The following BUD23 variants were observed in gnomAD, a reference collection of about 807,000 sequenced individuals.
BUD23 encodes the protein BUD23 rRNA methyltransferase and ribosome maturation factor.
BUD23 carries 34 observed loss-of-function variants against 47.0 expected under a neutral mutation model. The ratio of observed to expected loss-of-function variants is 0.72; its 90% confidence interval spans 0.55 to 0.96. The LOEUF is 0.96. Ranked by LOEUF, BUD23 falls within the 40% of genes least tolerant of loss-of-function variation. The pLI, the probability that BUD23 is intolerant of heterozygous loss-of-function variation, is 0.00. For synonymous variants in BUD23, 124 were observed against 132.0 expected (o/e 0.94, Z 0.41); for missense variants, 343 against 361.2 (o/e 0.95, Z 0.41).
chr7:73,693,939 C>T, intron 9 of BUD23, 53 bp from the exon 10 acceptor site: 1 of 1,604,048 alleles, frequency 6.2e-7, no homozygotes, highest in South Asian at 1.1e-5. Flanking sequence ...TGGAGTGGGG[C>T]AGATGGTTTG....
At chr7:73,683,876 G>T (rs1554612274) in intron 2 of BUD23, 72 bp downstream of exon 2, 1 of 1,613,430 alleles carries the variant, frequency 6.2e-7, no homozygotes, top group African/African-American at 1.3e-5. Context: ...TGCTGGCGTT[G>T]CCCGGAAAGG....
chr7:73,689,693 G>A (rs12154779), intron 5 of BUD23, among the ~76,000 whole-genome samples: 5,335 of 152,246 alleles, frequency 0.035, 91 homozygotes, highest in African/African-American at 0.04. Flanking sequence ...GAGATTCCAC[G>A]GAAGATGGGG....
At chr7:73,690,875 G>A (rs782258685) in intron 5 of BUD23, 41 bp from the exon 6 acceptor site, 13 of 1,543,558 alleles carry the variant, frequency 8.4e-6, no homozygotes, top group Middle Eastern at 1.7e-4. Flanking sequence ...GGGGAGCAAC[G>A]TGGATTGCTC....
chr7:73,690,723 G>A (rs1798158449), intron 5 of BUD23, among the ~76,000 whole-genome samples, 193 bp from the exon 6 acceptor site: 1 of 152,056 alleles, frequency 6.6e-6, no homozygotes, highest in Non-Finnish European at 1.5e-5. Context: ...ATTCTGTCTT[G>A]GCCTCAGAAA....
intron 2 of BUD23, among the ~76,000 whole-genome samples, chr7:73,684,356 C>T (rs547028198): frequency 8.3e-4 from 125 of 151,428 alleles, no homozygotes; most frequent in African/African-American, 2.6e-3. Context: ...GCCTGGGCAA[C>T]GTAGCGAGCC....
At chr7:73,692,920 G>A in intron 7 of BUD23, 1 of 546,466 alleles carries the variant, frequency 1.8e-6, no homozygotes, top group Middle Eastern at 4.2e-4. Context: ...ATGCCATTTA[G>A]GAAGGGTGAG....
At chr7:73,697,032 G>A in intron 10 of BUD23, 1 of 237,038 alleles carries the variant, frequency 4.2e-6, no homozygotes, top group Non-Finnish European at 8.4e-6. Flanking sequence ...CCTGCTTTGT[G>A]CTGGCTCATC....
rs1798267958 is a variant in BUD23, at chr7:73,693,417, G to A, written c.596+3G>A. On this transcript the variant is annotated splice_donor_region_variant and intron_variant, in intron 8 of 11. Transcript: ENST00000265758. The stretch of plus-strand genomic sequence containing the variant: ...CCTAACAGTGCCAAAGCAAAGAAGT[G>A]AGCGCTGGGGGCCGGTGTGCTGCCT... 3 of 1,614,142 alleles carry A rather than the reference G, an allele frequency of 1.9e-6. No individual in the cohort carries two copies. Among genetic ancestry groups the A allele is most frequent in the African/African-American group, 2.7e-5 (2 of 75,052 alleles).
At chr7:73,691,906 A>T (rs1554614081) in intron 6 of BUD23, among the ~76,000 whole-genome samples, 1 of 152,216 alleles carries the variant, frequency 6.6e-6, no homozygotes, top group East Asian at 1.9e-4. Context: ...TGCCCAGCTT[A>T]AAAATGAGTC....
At chr7:73,697,200 G>A (rs1290059852) in intron 10 of BUD23, 2 of 509,592 alleles carry the variant, frequency 3.9e-6, no homozygotes, top group Non-Finnish European at 7.1e-6. Context: ...CTGTCTTCCT[G>A]CCCCCAAGCT....
chr7:73,698,136 G>GAAAA lies in BUD23; in HGVS notation c.*250_*251insAAAA, dbSNP rs373910695. The GAAAA allele has an allele frequency of 3.8e-4, 42 of 109,288 alleles. 7 individuals are homozygous for GAAAA. Among genetic ancestry groups the GAAAA allele is most frequent in the South Asian group, 6.9e-4 (2 of 2,880 alleles). The allele number at this position is 109,288 out of a possible 1,614,324, so 6.8% of individuals were successfully genotyped here. A position where few individuals can be genotyped will look rare whatever the true frequency, so the allele number is the denominator to read the frequency against. ...CATAATGAAACTTCCTTTCCAGGGA[G>GAAAA]GAAAAAAAAAAAAAAAAAAAGCTCT... is the stretch of plus-strand genomic sequence containing the variant. On this transcript the variant is annotated 3_prime_UTR_variant, in exon 12 of 12. Coordinates refer to ENST00000265758, the MANE Select transcript of BUD23 (RefSeq NM_017528.5).
At chr7:73,697,755 A>G in intron 11 of BUD23, 61 bp downstream of exon 11, 1 of 1,609,630 alleles carries the variant, frequency 6.2e-7, no homozygotes, top group South Asian at 1.1e-5. Context: ...TGCCATGAAG[A>G]GCTTCCCTTT....
Position 73,693,996 on chromosome 7 carries a change from T to A in BUD23, c.647T>A (p.Leu216Gln). The change falls in exon 10 of 12, where the codon CTG (leucine) becomes CAG (glutamine). Residue 216 changes from leucine to glutamine, a missense_variant. By Grantham distance (113) the Leu-to-Gln change is moderately radical. Coordinates refer to ENST00000265758, the MANE Select transcript of BUD23 (RefSeq NM_017528.5). ...AGTGCACTTTGGTTCCTGCAGGGGC[T>A]GAGTGAAAATCAGGATGAAGTTGAA... ...SGPSTFIPEG[L>Q]SENQDEVEPR... 6.2e-7 allele frequency: 1 copy of A among 1,612,566 alleles called. No homozygotes were observed. The highest frequency in any genetic ancestry group is 8.5e-7 in the Non-Finnish European group (1 of 1,179,618).
chr7:73,684,596 G>A (rs1181810831), intron 2 of BUD23, among the ~76,000 whole-genome samples: 1 of 104,154 alleles, frequency 9.6e-6, no homozygotes, highest in African/African-American at 3.6e-5. Flanking sequence ...AGCGCACCTC[G>A]AGTCGTTAAA....
intron 7 of BUD23, 30 bp downstream of exon 7, chr7:73,692,676 G>C: frequency 6.2e-7 from 1 of 1,604,668 alleles, no homozygotes; most frequent in Non-Finnish European, 8.5e-7. Context: ...GGTGTGCCGG[G>C]GAGTTGGGGG....
At chr7:73,686,445 T>G (rs1417583345) in intron 2 of BUD23, among the ~76,000 whole-genome samples, 191 bp from the exon 3 acceptor site, 1 of 152,214 alleles carries the variant, frequency 6.6e-6, no homozygotes, top group African/African-American at 2.4e-5. Flanking sequence ...ATGGAATTTT[T>G]GGGGTCACTT....
At chr7:73,693,599 C>T (rs782086785) in intron 8 of BUD23, 25 bp from the exon 9 acceptor site, 2 of 1,614,156 alleles carry the variant, frequency 1.2e-6, no homozygotes, top group Non-Finnish European at 1.7e-6. Flanking sequence ...CCACCCAACC[C>T]TCACTTTGCA....
At chr7:73,685,496 G>A (rs1797928952) in intron 2 of BUD23, among the ~76,000 whole-genome samples, 1 of 152,218 alleles carries the variant, frequency 6.6e-6, no homozygotes, top group South Asian at 2.1e-4. Context: ...TATCGCCCAG[G>A]CCGAAGTGCT....
Position 73,687,072 on chromosome 7 carries a change from A to G in BUD23, c.339A>G (p.Pro113=). ...GDMGQGIPFK[P]GTFDGCISIS... The stretch of plus-strand genomic sequence containing the variant: ...TGGGCCAGGGCATCCCATTCAAGCC[A>G]GGCACATTTGATGGTTGCATCAGGT... The change falls in exon 5 of 12, where the codon CCA becomes CCG. Residue 113 remains proline, a synonymous_variant. Coordinates refer to ENST00000265758, the MANE Select transcript of BUD23 (RefSeq NM_017528.5). 6.2e-7 allele frequency: 1 copy of G among 1,613,874 alleles called. No individual in the cohort carries two copies. The highest frequency in any genetic ancestry group is 2.2e-5 in the East Asian group (1 of 44,890).
Sources: gnomAD v4.1 joint callset for allele counts (sites outside exome capture counted in the v4.1 genomes callset) on GRCh38, gnomAD v4.1.1 for gene constraint, MANE v1.5 for transcripts, NCBI Gene and HGNC (gene_info 2026-07-23, HGNC 2026-07-21) for gene names.